HMGA2: variants seen among roughly 807,000 people sequenced by gnomAD.
HMGA2 encodes the protein high mobility group AT-hook 2.
HMGA2 carries 8 observed loss-of-function variants against 19.1 expected under a neutral mutation model. The observed-to-expected ratio is 0.42, with a 90% CI of 0.25 to 0.76. The LOEUF (loss-of-function observed/expected upper bound fraction) is 0.76. Ranked by LOEUF, HMGA2 falls within the 30% of genes least tolerant of loss-of-function variation. The probability of loss-of-function intolerance (pLI) is 0.28; values close to 1 mark genes in which losing one functional copy is unlikely to be tolerated. For synonymous variants in HMGA2, 60 were observed against 48.8 expected, an observed-to-expected ratio of 1.23 and a Z score of -0.96; for missense variants, 109 against 136.3, an observed-to-expected ratio of 0.80 and a Z score of 1.00.
intron 3 of HMGA2, among the ~76,000 whole-genome samples, chr12:65,885,146 G>C (rs1466727678): frequency 6.6e-6 from 1 of 152,102 alleles, no homozygotes; most frequent in Non-Finnish European, 1.5e-5. Context: ...ACTTTATCTA[G>C]AGAAGCTTTT....
chr12:65,962,428 T>G (rs543624951), intron 4 of HMGA2, among the ~76,000 whole-genome samples: 49 of 152,272 alleles, frequency 3.2e-4, no homozygotes, highest in African/African-American at 1.1e-3. Flanking sequence ...AACATATATA[T>G]TAGATTTTCT....
At chr12:65,868,473 T>A (rs1477696325) in intron 3 of HMGA2, among the ~76,000 whole-genome samples, 1 of 152,068 alleles carries the variant, frequency 6.6e-6, no homozygotes, top group Non-Finnish European at 1.5e-5. Context: ...GTCAGATTAC[T>A]CTCCGGGCTT....
intron 3 of HMGA2, among the ~76,000 whole-genome samples, chr12:65,920,657 G>T (rs1203028378): frequency 6.6e-6 from 1 of 152,128 alleles, no homozygotes; most frequent in Non-Finnish European, 1.5e-5. Flanking sequence ...TTCCACTTTT[G>T]CTTCTTCCTC....
At chr12:65,959,764 C>T (rs1228969693) in intron 4 of HMGA2, among the ~76,000 whole-genome samples, 4 of 152,230 alleles carry the variant, frequency 2.6e-5, no homozygotes, top group Admixed American at 6.5e-5. Flanking sequence ...TACTTCAAGG[C>T]TCCTCTTGGG....
At chr12:65,948,756 G>A (rs1252527542) in intron 3 of HMGA2, among the ~76,000 whole-genome samples, 6 of 152,158 alleles carry the variant, frequency 3.9e-5, no homozygotes, top group South Asian at 4.1e-4. Context: ...GGACTAGGCC[G>A]GGAGCCAGGG....
At chr12:65,951,547 A>C in intron 4 of HMGA2, 132 bp downstream of exon 4, 1 of 669,186 alleles carries the variant, frequency 1.5e-6, no homozygotes, top group Non-Finnish European at 2.7e-6. Flanking sequence ...ATTCCTGAAA[A>C]TGTGTTGTAG....
intron 4 of HMGA2, among the ~76,000 whole-genome samples, chr12:65,959,109 A>G (rs1876680012): frequency 6.6e-6 from 1 of 152,232 alleles, no homozygotes; most frequent in Non-Finnish European, 1.5e-5. Flanking sequence ...ATGCCTGTAT[A>G]GTAAGTCTGA....
At chr12:65,911,686 A>G (rs1874851971) in intron 3 of HMGA2, among the ~76,000 whole-genome samples, 1 of 152,098 alleles carries the variant, frequency 6.6e-6, no homozygotes, top group African/African-American at 2.4e-5. Flanking sequence ...ATCAATACCA[A>G]ACGGAATTAC....
chr12:65,960,600 C>A (rs1003796671), intron 4 of HMGA2, among the ~76,000 whole-genome samples: 2 of 152,138 alleles, frequency 1.3e-5, no homozygotes, highest in African/African-American at 4.8e-5. Flanking sequence ...CAGGGCTATG[C>A]CAAGAAGAGA....
chr12:65,890,649 C>G (rs980801212), intron 3 of HMGA2, among the ~76,000 whole-genome samples: 14 of 152,098 alleles, frequency 9.2e-5, no homozygotes, highest in African/African-American at 3.4e-4. Context: ...TCAGATAGAC[C>G]TGAACTCCAT....
rs1172122751 is a variant in HMGA2 at position 65,825,325 on chromosome 12, C to A, written c.55C>A (p.Pro19Thr). The change falls in exon 1 of 5, where the codon CCT (proline) becomes ACT (threonine). Residue 19 changes from proline to threonine, a missense_variant. Physicochemically the swap from Pro to Thr is conservative, Grantham distance 38 (BLOSUM62 -1). Coordinates refer to ENST00000403681, the MANE Select transcript of HMGA2 (RefSeq NM_003483.6). The surrounding 1 kb of genome is among the most constrained non-coding windows in gnomAD (Gnocchi z 4.4). Reference protein sequence around the residue: ...GQPSTSAQGQPAAPAPQKRGR... With the variant: ...GQPSTSAQGQTAAPAPQKRGR... ...GCCGTCCACTTCAGCCCAGGGACAA[C>A]CTGCCGCCCCAGCGCCTCAGAAGAG... 6.5e-7 allele frequency: 1 copy of A among 1,538,728 alleles called. No homozygotes were observed. The highest frequency in any genetic ancestry group is 1.4e-5 in the African/African-American group (1 of 72,024).
chr12:65,851,416 G>A (rs1014578177), intron 3 of HMGA2: 11 of 195,016 alleles, frequency 5.6e-5, no homozygotes, highest in Non-Finnish European at 9.8e-5. Context: ...TTGGGAGGCT[G>A]AAGCCGGAGA....
chr12:65,869,018 T>C (rs1435753695), intron 3 of HMGA2, among the ~76,000 whole-genome samples: 1 of 152,132 alleles, frequency 6.6e-6, no homozygotes, highest in Admixed American at 6.6e-5. Context: ...CTTTAAGAGG[T>C]TGGCATTGGT....
intron 4 of HMGA2, chr12:65,953,133 T>C (rs918381829): frequency 2.6e-5 from 4 of 152,244 alleles, no homozygotes; most frequent in African/African-American, 7.2e-5. Flanking sequence ...CTCCCCAGCA[T>C]GGCCCCACCC....
intron 3 of HMGA2, among the ~76,000 whole-genome samples, chr12:65,878,971 G>T (rs1873206332): frequency 6.6e-6 from 1 of 152,170 alleles, no homozygotes; most frequent in Non-Finnish European, 1.5e-5. Context: ...TTCGAATGTT[G>T]TCCTTTGTAA....
intron 3 of HMGA2, among the ~76,000 whole-genome samples, chr12:65,900,056 T>A (rs756704072): frequency 1.3e-5 from 2 of 152,242 alleles, no homozygotes; most frequent in Non-Finnish European, 2.9e-5. Flanking sequence ...TTAATACTTA[T>A]AACGACTTCA....
At position 65,834,275 on chromosome 12, in the gene HMGA2, G is replaced by A. The variant is rs1870606072; in HGVS notation, c.199-4244G>A. Among the ~76,000 whole-genome samples the A allele has an allele frequency of 2.6e-5, 4 of 152,296 alleles. No homozygotes were observed. In the South Asian group the frequency reaches 8.3e-4, roughly 32 times the overall value. ...GAAACCTTTGAAGGGCCACTCCAAA[G>A]GTTATAAAGGGATTGGAAATGTATG... is the stretch of plus-strand genomic sequence containing the variant. On this transcript the variant is annotated intron_variant, in intron 2 of 4. Transcript: ENST00000403681.
intron 3 of HMGA2, among the ~76,000 whole-genome samples, chr12:65,878,008 A>G (rs1873141589): frequency 6.6e-6 from 1 of 152,136 alleles, no homozygotes; most frequent in Non-Finnish European, 1.5e-5. Flanking sequence ...TTGAAAGGAG[A>G]AGAACCTACT....
At chr12:65,935,668 G>A (rs1377589769) in intron 3 of HMGA2, among the ~76,000 whole-genome samples, 4 of 152,094 alleles carry the variant, frequency 2.6e-5, no homozygotes, top group Admixed American at 1.3e-4. Flanking sequence ...AATTAAGTTT[G>A]CTTTTAATGA....
Sources: allele counts gnomAD v4.1 joint callset (sites outside exome capture counted in the v4.1 genomes callset), GRCh38; gene constraint gnomAD v4.1.1; non-coding constraint Gnocchi (gnomAD v3.1); transcripts MANE v1.5; gene names NCBI Gene and HGNC (gene_info 2026-07-23, HGNC 2026-07-21).